The following TGFBRAP1 variants were observed in gnomAD, a reference collection of about 807,000 sequenced individuals.
TGFBRAP1 encodes the protein transforming growth factor beta receptor associated protein 1.
A neutral mutation model predicts 83.2 loss-of-function variants in TGFBRAP1; 20 were observed. The observed-to-expected ratio is 0.24, with a 90% CI of 0.17 to 0.35. The LOEUF (loss-of-function observed/expected upper bound fraction) is 0.35. Among genes scored for constraint, TGFBRAP1 ranks in the 10% least tolerant of loss-of-function variants. The probability of loss-of-function intolerance (pLI) is 1.00; values close to 1 mark genes in which losing one functional copy is unlikely to be tolerated. For synonymous variants in TGFBRAP1, 415 were observed against 459.8 expected (o/e 0.90, Z 1.25); for missense variants, 950 against 1,099.4 (o/e 0.86, Z 1.92).
At chr2:105,325,719 A>G (rs556044005) in intron 1 of TGFBRAP1, among the ~76,000 whole-genome samples, 3 of 152,254 alleles carry the variant, frequency 2.0e-5, no homozygotes, top group Admixed American at 1.3e-4. Flanking sequence ...CTCTACTAAC[A>G]TAGTAATCTA....
chr2:105,261,594 A>G (rs893313431), downstream of TGFBRAP1, among the ~76,000 whole-genome samples: 3 of 152,168 alleles, frequency 2.0e-5, no homozygotes, highest in East Asian at 1.9e-4. Flanking sequence ...TCTACTAAAA[A>G]TACAAAAATT....
intron 4 of TGFBRAP1, among the ~76,000 whole-genome samples, chr2:105,285,934 G>C (rs1462029158): frequency 6.6e-6 from 1 of 152,180 alleles, no homozygotes; most frequent in Non-Finnish European, 1.5e-5. Context: ...CTGTTGCCTG[G>C]GAATGCCAGT....
chr2:105,252,702 G>A, the TGFBRAP1 span, among the ~76,000 whole-genome samples: 2 of 150,438 alleles, frequency 1.3e-5, no homozygotes, highest in African/African-American at 4.9e-5. Flanking sequence ...CTTAAACCAT[G>A]CAATAAGCAG....
intron 2 of TGFBRAP1, among the ~76,000 whole-genome samples, chr2:105,303,009 A>G (rs937917501): frequency 1.6e-4 from 24 of 152,248 alleles, no homozygotes; most frequent in African/African-American, 5.5e-4. Context: ...GTACTGTGGG[A>G]TAAATCAAAG....
At chr2:105,268,369 C>T (rs147976684) in intron 11 of TGFBRAP1, among the ~76,000 whole-genome samples, 1 of 152,138 alleles carries the variant, frequency 6.6e-6, no homozygotes, top group Non-Finnish European at 1.5e-5. Context: ...AATGCGAACA[C>T]CAAGTAAAAG....
chr2:105,267,188 C>G lies in TGFBRAP1; in HGVS notation c.*195G>C, dbSNP rs1002787589. 4 of 36,352 alleles carry G rather than the reference C, an allele frequency of 1.1e-4. No individual in the cohort carries two copies. The highest frequency in any genetic ancestry group is 1.8e-4 in the Non-Finnish European group (4 of 21,904). The allele number at this position is 36,352 out of a possible 1,614,324, so 2.3% of individuals were successfully genotyped here. A position where few individuals can be genotyped will look rare whatever the true frequency, so the allele number is the denominator to read the frequency against. ...GGGTTTTCCATGTACATTCATAGAG[C>G]CTGGTCATTCCATGTACATTCATAG... On this transcript the variant is annotated 3_prime_UTR_variant, in exon 12 of 12. Transcript: ENST00000393359.
At chr2:105,298,739 C>T in intron 2 of TGFBRAP1, 34 bp from the exon 3 acceptor site, 1 of 1,523,666 alleles carries the variant, frequency 6.6e-7, no homozygotes, top group African/African-American at 1.4e-5. Flanking sequence ...GGTAGGCTTC[C>T]AAATAAGCAT....
chr2:105,326,206 A>T (rs980485432), intron 1 of TGFBRAP1, among the ~76,000 whole-genome samples: 5 of 152,192 alleles, frequency 3.3e-5, no homozygotes, highest in African/African-American at 1.2e-4. Context: ...ATATATACAC[A>T]TACTATATAT....
Position 105,267,325 on chromosome 2 carries a change from A to G in TGFBRAP1, c.*58T>C, listed in dbSNP as rs1018108953. The G allele has an allele frequency of 9.2e-5, 147 of 1,597,116 alleles. No individual in the cohort carries two copies. Among genetic ancestry groups the G allele is most frequent in the Non-Finnish European group, 1.2e-4 (139 of 1,170,936 alleles). On this transcript the variant is annotated 3_prime_UTR_variant, in exon 12 of 12. Coordinates refer to ENST00000393359, the MANE Select transcript of TGFBRAP1 (RefSeq NM_004257.6). ...AGAGCATGGTGGTCATCTGCTCTTC[A>G]TGTCCAGCAGGCTCAGAAAGAACTC...
intron 1 of TGFBRAP1, among the ~76,000 whole-genome samples, chr2:105,328,030 T>C (rs1224118046): frequency 6.6e-6 from 1 of 152,232 alleles, no homozygotes; most frequent in Non-Finnish European, 1.5e-5. Context: ...CATCCTCATT[T>C]ATATTTGTCA....
At chr2:105,302,780 C>T (rs1444106262) in intron 2 of TGFBRAP1, among the ~76,000 whole-genome samples, 1 of 152,172 alleles carries the variant, frequency 6.6e-6, no homozygotes, top group Non-Finnish European at 1.5e-5. Flanking sequence ...CACACCAAAG[C>T]AACTTCTAAA....
chr2:105,256,704 G>A, the TGFBRAP1 span, among the ~76,000 whole-genome samples: 4 of 152,286 alleles, frequency 2.6e-5, no homozygotes, highest in East Asian at 7.7e-4. Context: ...AGAGGCGTCT[G>A]AACCAGAGCA....
At chr2:105,317,875 G>A (rs990469408) in intron 1 of TGFBRAP1, among the ~76,000 whole-genome samples, 3 of 152,124 alleles carry the variant, frequency 2.0e-5, no homozygotes, top group Admixed American at 6.5e-5. Flanking sequence ...CAATAAACAC[G>A]AAAGAACACA....
At chr2:105,323,129 C>A (rs1318788032) in intron 1 of TGFBRAP1, among the ~76,000 whole-genome samples, 1 of 152,122 alleles carries the variant, frequency 6.6e-6, no homozygotes, top group African/African-American at 2.4e-5. Context: ...GAGGCTGGTC[C>A]TGAGAAGTTT....
At chr2:105,320,169 C>T (rs1185633662) in intron 1 of TGFBRAP1, among the ~76,000 whole-genome samples, 1 of 152,178 alleles carries the variant, frequency 6.6e-6, no homozygotes, top group Non-Finnish European at 1.5e-5. Flanking sequence ...AAAACCCTCA[C>T]ATTTTCTAAT....
intron 1 of TGFBRAP1, among the ~76,000 whole-genome samples, chr2:105,311,085 C>T (rs576000315): frequency 5.3e-5 from 8 of 150,126 alleles, no homozygotes; most frequent in East Asian, 1.9e-4. Flanking sequence ...AAGAATCAAA[C>T]GCCTCATATT....
chr2:105,295,035 A>G (rs1200826337), intron 4 of TGFBRAP1, among the ~76,000 whole-genome samples: 1 of 152,170 alleles, frequency 6.6e-6, no homozygotes, highest in African/African-American at 2.4e-5. Flanking sequence ...CCTCCCCTCC[A>G]GGGCACAAGA....
chr2:105,264,899 C>T lies in TGFBRAP1; in HGVS notation c.*2484G>A, dbSNP rs1242870354. On this transcript the variant is annotated 3_prime_UTR_variant, in exon 12 of 12. Coordinates refer to ENST00000393359, the MANE Select transcript of TGFBRAP1 (RefSeq NM_004257.6). ...GAAAAAGGTCTGATGGATCTAATTGCTCTATTCGATGGCACAGTTACAAAT... is the reference window on the plus strand; with the variant it reads ...GAAAAAGGTCTGATGGATCTAATTGTTCTATTCGATGGCACAGTTACAAAT... The T allele has an allele frequency of 6.6e-6, 1 of 152,214 alleles. No individual in the cohort carries two copies. The highest frequency in any genetic ancestry group is 1.5e-5 in the Non-Finnish European group (1 of 68,040). 9.4% of individuals were successfully genotyped at this position (152,214 alleles called of 1,614,324 possible).
intron 5 of TGFBRAP1, among the ~76,000 whole-genome samples, chr2:105,283,601 C>A (rs1445211659): frequency 1.3e-5 from 2 of 152,238 alleles, no homozygotes; most frequent in Non-Finnish European, 2.9e-5. Flanking sequence ...CTAACTTAAT[C>A]TTCTGCAAAG....
Sources: gnomAD v4.1 joint callset for allele counts (sites outside exome capture counted in the v4.1 genomes callset) on GRCh38, gnomAD v4.1.1 for gene constraint, MANE v1.5 for transcripts, NCBI Gene and HGNC (gene_info 2026-07-23, HGNC 2026-07-21) for gene names.